The following CSMD1 variants were observed in gnomAD, a reference collection of about 807,000 sequenced individuals.
The protein encoded by CSMD1 is CUB and Sushi multiple domains 1.
Under a neutral mutation model 417.5 loss-of-function variants are expected in CSMD1, and 213 were observed. The observed-to-expected ratio is 0.51, with a 90% CI of 0.46 to 0.57. The LOEUF (loss-of-function observed/expected upper bound fraction) is 0.57. Ranked by LOEUF, CSMD1 falls within the 20% of genes least tolerant of loss-of-function variation. The pLI, the probability that CSMD1 is intolerant of heterozygous loss-of-function variation, is 0.00. For missense variants in CSMD1, 6,923 were observed against 4,529.7 expected, an observed-to-expected ratio of 1.53 and a Z score of -15.17; for synonymous variants, 2,862 against 1,736.8, an observed-to-expected ratio of 1.65 and a Z score of -16.11.
chr8:3,605,321 T>C (rs1285512534), intron 8 of CSMD1, among the ~76,000 whole-genome samples: 1 of 152,164 alleles, frequency 6.6e-6, no homozygotes, highest in Non-Finnish European at 1.5e-5. Context: ...GAACACCACA[T>C]TTACTCCCTG....
chr8:4,590,317 C>G lies in CSMD1; in HGVS notation c.302+47025G>C, dbSNP rs769206938. On this transcript the variant is annotated intron_variant, in intron 2 of 69. Transcript: ENST00000635120. The stretch of plus-strand genomic sequence containing the variant: ...GAAGCAGACATGGACTACTGGATTT[C>G]CATGAAAACAAAAGTCACATCCAGA... 8.9e-4 allele frequency among the ~76,000 whole-genome samples: 136 copies of G among 152,118 alleles called. 1 individual carries two copies. The highest frequency in any genetic ancestry group is 4.7e-4 in the Non-Finnish European group (32 of 67,998).
intron 11 of CSMD1, among the ~76,000 whole-genome samples, chr8:3,492,718 G>A (rs116639779): frequency 1.3e-5 from 2 of 152,132 alleles, no homozygotes; most frequent in Non-Finnish European, 2.9e-5. Flanking sequence ...TGTGATCCTG[G>A]TGAAAACTGA....
chr8:3,376,282 G>A (rs1355205380), intron 18 of CSMD1, among the ~76,000 whole-genome samples: 2 of 151,932 alleles, frequency 1.3e-5, no homozygotes, highest in African/African-American at 4.8e-5. Context: ...CTGCAAGTAT[G>A]GATGAAAAGG....
chr8:3,057,523 C>A (rs533835544), intron 49 of CSMD1, among the ~76,000 whole-genome samples: 1 of 151,126 alleles, frequency 6.6e-6, no homozygotes, highest in Non-Finnish European at 1.5e-5. Flanking sequence ...TATATAAGTA[C>A]ATATGTGTAA....
chr8:4,555,199 T>C (rs962151349), intron 2 of CSMD1, among the ~76,000 whole-genome samples: 1 of 152,114 alleles, frequency 6.6e-6, no homozygotes, highest in East Asian at 1.9e-4. Flanking sequence ...TTGGTAGGAA[T>C]AAGAATGAAT....
chr8:4,498,970 T>C (rs73496647), intron 2 of CSMD1, among the ~76,000 whole-genome samples: 306 of 152,208 alleles, frequency 2.0e-3, no homozygotes, highest in African/African-American at 6.3e-3. Context: ...TAAAGCTAAA[T>C]TCCTTAGAAT....
rs185386546 is a variant in CSMD1, at chr8:4,744,839, T to C, written c.86-107281A>G. Among the ~76,000 whole-genome samples the C allele has an allele frequency of 3.9e-5, 6 of 152,312 alleles. No individual in the cohort carries two copies. In the East Asian group the frequency reaches 1.2e-3, roughly 29 times the overall value. ...ATAAAACACCCATAAGAAAGTATGT[T>C]TTTCTAATTTAGTAGTCTCAGACAT... is the stretch of plus-strand genomic sequence containing the variant. On this transcript the variant is annotated intron_variant, in intron 1 of 69. Coordinates refer to ENST00000635120, the MANE Select transcript of CSMD1 (RefSeq NM_033225.6).
intron 49 of CSMD1, among the ~76,000 whole-genome samples, chr8:3,086,784 C>A (rs543110922): frequency 6.6e-6 from 1 of 152,178 alleles, no homozygotes; most frequent in South Asian, 2.1e-4. Flanking sequence ...TAAATTAATA[C>A]AATGGTAAAG....
chr8:4,912,135 A>AAAAAAAAAAAAAAAAAAAAAGAAAAAAAG (rs765904838), intron 1 of CSMD1, among the ~76,000 whole-genome samples: 1 of 115,612 alleles, frequency 8.6e-6, no homozygotes, highest in African/African-American at 2.9e-5. Flanking sequence ...AAAAAAAAAA[A>AAAAAAAAAAAAAAAAAAAAAGAAAAAAAG]AAAAAAGAAA....
chr8:3,992,991 G>A (rs969220092), intron 5 of CSMD1, among the ~76,000 whole-genome samples: 17 of 152,192 alleles, frequency 1.1e-4, no homozygotes, highest in African/African-American at 3.9e-4. Context: ...AGTTGGACAG[G>A]GCCAAGGAGG....
intron 3 of CSMD1, among the ~76,000 whole-genome samples, chr8:4,189,479 T>G (rs1194181509): frequency 1.3e-5 from 2 of 152,186 alleles, no homozygotes; most frequent in Non-Finnish European, 2.9e-5. Context: ...ACAAAATTTT[T>G]CCGCTAGACA....
intron 7 of CSMD1, among the ~76,000 whole-genome samples, chr8:3,706,541 G>C (rs1403033252): frequency 6.6e-6 from 1 of 152,136 alleles, no homozygotes; most frequent in African/African-American, 2.4e-5. Flanking sequence ...AATACCAAAT[G>C]AGTCATTATG....
intron 2 of CSMD1, among the ~76,000 whole-genome samples, chr8:4,484,446 T>G (rs541080452): frequency 2.0e-3 from 305 of 152,202 alleles, no homozygotes; most frequent in African/African-American, 7.0e-3. Flanking sequence ...TTTTCCTTCT[T>G]TATTTCAGTC....
chr8:4,047,646 G>A (rs550956629), intron 3 of CSMD1, among the ~76,000 whole-genome samples: 2 of 152,164 alleles, frequency 1.3e-5, no homozygotes, highest in African/African-American at 4.8e-5. Flanking sequence ...CGCCCTCAGT[G>A]AGTATATTTG....
chr8:3,464,670 T>C (rs1219747300), intron 12 of CSMD1, among the ~76,000 whole-genome samples: 1 of 151,260 alleles, frequency 6.6e-6, no homozygotes, highest in Non-Finnish European at 1.5e-5. Context: ...ATAAATTGTA[T>C]ATGTAAAATT....
At chr8:3,326,561 C>G (rs571622527) in intron 23 of CSMD1, among the ~76,000 whole-genome samples, 2 of 152,226 alleles carry the variant, frequency 1.3e-5, no homozygotes, top group African/African-American at 4.8e-5. Flanking sequence ...CATTTGTTTT[C>G]AAGCTTAAAA....
chr8:4,387,908 G>GA (rs1173216163), intron 3 of CSMD1, among the ~76,000 whole-genome samples: 4 of 151,770 alleles, frequency 2.6e-5, no homozygotes, highest in African/African-American at 7.3e-5. Flanking sequence ...ATTATATAAA[G>GA]AAAAAAATAT....
intron 2 of CSMD1, among the ~76,000 whole-genome samples, chr8:4,624,922 G>T (rs1056332220): frequency 1.3e-5 from 2 of 152,132 alleles, no homozygotes; most frequent in Non-Finnish European, 2.9e-5. Flanking sequence ...AAATTAAAGT[G>T]TGCTCCTGGT....
chr8:3,425,758 T>G (rs1476927534), intron 12 of CSMD1, among the ~76,000 whole-genome samples: 2 of 152,136 alleles, frequency 1.3e-5, no homozygotes, highest in African/African-American at 4.8e-5. Flanking sequence ...TTTTTCTCTC[T>G]TTTTATTCAA....
Sources: allele counts gnomAD v4.1 joint callset (sites outside exome capture counted in the v4.1 genomes callset), GRCh38; gene constraint gnomAD v4.1.1; transcripts MANE v1.5; gene names NCBI Gene and HGNC (gene_info 2026-07-23, HGNC 2026-07-21).